CEP85: variants seen among roughly 807,000 people sequenced by gnomAD.
CEP85 encodes the protein centrosomal protein of 85 kDa.
A neutral mutation model predicts 93.7 loss-of-function variants in CEP85; 58 were observed. That is an observed-to-expected ratio of 0.62 (90% confidence interval 0.50 to 0.77). The LOEUF is 0.77. Ranked by LOEUF, CEP85 falls within the 30% of genes least tolerant of loss-of-function variation. The probability of loss-of-function intolerance (pLI) is 0.00; values close to 1 mark genes in which losing one functional copy is unlikely to be tolerated. For synonymous variants in CEP85, 314 were observed against 338.6 expected (o/e 0.93, Z 0.80); for missense variants, 868 against 922.0 (o/e 0.94, Z 0.76).
intron 9 of CEP85, among the ~76,000 whole-genome samples, chr1:26,270,688 T>G (rs2089960791): frequency 1.3e-5 from 2 of 152,240 alleles, no homozygotes; most frequent in South Asian, 2.1e-4. Context: ...TTTTCCAAAC[T>G]TTCTACAATG....
intron 11 of CEP85, among the ~76,000 whole-genome samples, chr1:26,272,646 G>GA: frequency 1.8e-5 from 1 of 55,340 alleles, no homozygotes; most frequent in Admixed American, 2.3e-4. Context: ...TTTTTTTTTG[G>GA]AGACAGAGTC....
chr1:26,247,945 G>A (rs1158316702), intron 3 of CEP85, among the ~76,000 whole-genome samples: 1 of 152,174 alleles, frequency 6.6e-6, no homozygotes, highest in Non-Finnish European at 1.5e-5. Flanking sequence ...ACAGGTGTGA[G>A]CCACTGCACC....
intron 11 of CEP85, 21 bp from the exon 12 acceptor site, chr1:26,274,943 A>G: frequency 1.9e-6 from 3 of 1,548,550 alleles, no homozygotes; most frequent in South Asian, 1.2e-5. Context: ...TGTTCCCTCA[A>G]CATCTTGCTG....
At chr1:26,268,669 C>G in intron 8 of CEP85, 34 bp downstream of exon 8, 1 of 1,563,166 alleles carries the variant, frequency 6.4e-7, no homozygotes, top group Non-Finnish European at 8.6e-7. Context: ...CTGGGGTGAT[C>G]AGGGAGTGGC....
chr1:26,267,882 T>A (rs1196004435), intron 7 of CEP85, among the ~76,000 whole-genome samples: 1 of 152,182 alleles, frequency 6.6e-6, no homozygotes, highest in African/African-American at 2.4e-5. Context: ...ATAAATTTAC[T>A]CATGATGGGA....
At chr1:26,269,380 C>A (rs2089938592) in intron 8 of CEP85, 80 bp from the exon 9 acceptor site, 1 of 1,424,402 alleles carries the variant, frequency 7.0e-7, no homozygotes, top group Non-Finnish European at 9.8e-7. Flanking sequence ...AGTGCTATTT[C>A]TTTGTGACAC....
chr1:26,254,206 ATTCCTTAT>A (rs956456624), intron 3 of CEP85, among the ~76,000 whole-genome samples: 2 of 152,148 alleles, frequency 1.3e-5, no homozygotes, highest in African/African-American at 4.8e-5. Context: ...AGAAATTGGT[ATTCCTTAT>A]TTCCTTATTC....
intron 3 of CEP85, among the ~76,000 whole-genome samples, chr1:26,247,786 C>T (rs114801378): frequency 0.018 from 2,726 of 152,172 alleles, 87 homozygotes; most frequent in African/African-American, 0.062. Context: ...GGACTACAGG[C>T]GTGTACCATC....
intron 6 of CEP85, 112 bp from the exon 7 acceptor site, chr1:26,259,505 A>G (rs1472599003): frequency 2.9e-6 from 3 of 1,050,696 alleles, no homozygotes; most frequent in Admixed American, 2.4e-5. Flanking sequence ...CCACTTCTTA[A>G]AGAGATTCTT....
chr1:26,245,910 C>A (rs563714648), intron 3 of CEP85, among the ~76,000 whole-genome samples: 1 of 152,140 alleles, frequency 6.6e-6, no homozygotes, highest in East Asian at 1.9e-4. Flanking sequence ...ACTTGGGAGG[C>A]TGAGGCAGGA....
chr1:26,264,620 A>G (rs995762328), intron 7 of CEP85, among the ~76,000 whole-genome samples: 5 of 152,186 alleles, frequency 3.3e-5, no homozygotes, highest in African/African-American at 1.2e-4. Flanking sequence ...CTGTAGTATC[A>G]GACTTAGACT....
intron 7 of CEP85, among the ~76,000 whole-genome samples, chr1:26,263,580 A>C (rs2089846430): frequency 6.6e-6 from 1 of 152,162 alleles, no homozygotes; most frequent in Non-Finnish European, 1.5e-5. Context: ...CAGGAAGCTG[A>C]AGTGGGAGAA....
At chr1:26,256,928 G>GGGGGGTGTGT (rs1553159974) in intron 4 of CEP85, among the ~76,000 whole-genome samples, 2 of 111,404 alleles carry the variant, frequency 1.8e-5, no homozygotes, top group African/African-American at 6.8e-5. Flanking sequence ...GTTTTGTTTT[G>GGGGGGTGTGT]GTGTGTGTGT....
intron 11 of CEP85, among the ~76,000 whole-genome samples, chr1:26,273,447 T>G (rs1202829382): frequency 1.3e-5 from 2 of 152,184 alleles, no homozygotes; most frequent in African/African-American, 4.8e-5. Flanking sequence ...GGCAAGCATT[T>G]TAATACATAC....
At chr1:26,257,106 A>G (rs2089719349) in intron 4 of CEP85, among the ~76,000 whole-genome samples, 1 of 151,674 alleles carries the variant, frequency 6.6e-6, no homozygotes, top group South Asian at 2.1e-4. Flanking sequence ...AATTTTTTGT[A>G]TTTTTTATTA....
At position 26,259,605 on chromosome 1, in the gene CEP85, T is replaced by A. The variant is rs762977405; in HGVS notation, c.1156-12T>A. On this transcript the variant is annotated splice_polypyrimidine_tract_variant and intron_variant, in intron 6 of 13. Coordinates refer to ENST00000451429, the MANE Select transcript of CEP85 (RefSeq NM_001319944.2). Reference sequence around the variant, plus strand: ...GTAGAGAACAGTTACATATTGAGAATCTTTCTGGCAGGAATTGCAGCGAGA... The same window carrying A: ...GTAGAGAACAGTTACATATTGAGAAACTTTCTGGCAGGAATTGCAGCGAGA... The A allele has an allele frequency of 3.8e-6, 6 of 1,599,862 alleles. No homozygotes were observed. The South Asian group carries it at 6.7e-5, about 18-fold the overall frequency.
chr1:26,259,537 G>A (rs759897041), intron 6 of CEP85, 80 bp from the exon 7 acceptor site: 36 of 1,281,320 alleles, frequency 2.8e-5, no homozygotes, highest in African/African-American at 6.0e-5. Flanking sequence ...ATATTTGACC[G>A]TGAAGTATGC....
chr1:26,247,624 A>C (rs966117169), intron 3 of CEP85, among the ~76,000 whole-genome samples: 9 of 151,830 alleles, frequency 5.9e-5, no homozygotes, highest in Non-Finnish European at 1.2e-4. Context: ...CTAGACATCT[A>C]GCATTAATTT....
chr1:26,258,380 C>A, intron 6 of CEP85, 120 bp downstream of exon 6: 2 of 700,584 alleles, frequency 2.9e-6, no homozygotes, highest in South Asian at 3.3e-5. Context: ...TGTCCCTGCC[C>A]TCAAAGAGGG....
Sources: gnomAD v4.1 joint callset for allele counts (sites outside exome capture counted in the v4.1 genomes callset) on GRCh38, gnomAD v4.1.1 for gene constraint, MANE v1.5 for transcripts, NCBI Gene and HGNC (gene_info 2026-07-23, HGNC 2026-07-21) for gene names.